The following TBC1D14 variants were observed in gnomAD, a reference collection of about 807,000 sequenced individuals.
TBC1D14 encodes TBC1 domain family member 14, also known as TBC1 domain family, member 14.
In TBC1D14, 26 loss-of-function variants were observed where a neutral mutation model predicts 79.0. The ratio of observed to expected loss-of-function variants is 0.33; its 90% CI spans 0.24 to 0.46. The LOEUF (loss-of-function observed/expected upper bound fraction) is 0.46. Among genes scored for constraint, TBC1D14 ranks in the 20% least tolerant of loss-of-function variants. The pLI, the probability that TBC1D14 is intolerant of heterozygous loss-of-function variation, is 1.00. For synonymous variants in TBC1D14, 394 were observed against 349.9 expected, an observed-to-expected ratio of 1.13 and a Z score of -1.40; for missense variants, 769 against 887.6, an observed-to-expected ratio of 0.87 and a Z score of 1.70.
At chr4:7,026,964 A>G (rs35435692) in intron 13 of TBC1D14, among the ~76,000 whole-genome samples, 9,842 of 152,108 alleles carry the variant, frequency 0.065, 339 homozygotes, top group African/African-American at 0.089. Context: ...TGTAATCTCA[A>G]CACTTTGAGA....
At chr4:6,920,178 T>A (rs1289568813) in intron 1 of TBC1D14, among the ~76,000 whole-genome samples, 2 of 152,150 alleles carry the variant, frequency 1.3e-5, no homozygotes, top group African/African-American at 4.8e-5. Flanking sequence ...CTGCATTTCA[T>A]TTAATTCCTT....
At chr4:6,929,059 G>A (rs1016566440) in intron 2 of TBC1D14, among the ~76,000 whole-genome samples, 1 of 152,192 alleles carries the variant, frequency 6.6e-6, no homozygotes, top group African/African-American at 2.4e-5. Flanking sequence ...TGGCATTATG[G>A]ATATACAGAT....
intron 6 of TBC1D14, among the ~76,000 whole-genome samples, chr4:7,000,731 T>G (rs1452566335): frequency 2.6e-5 from 4 of 152,174 alleles, no homozygotes; most frequent in African/African-American, 9.7e-5. Context: ...GGGGTCTGCT[T>G]CTGTCTCCAG....
chr4:6,957,467 C>T (rs530438801), intron 2 of TBC1D14, among the ~76,000 whole-genome samples: 25 of 152,340 alleles, frequency 1.6e-4, no homozygotes, highest in African/African-American at 6.0e-4. Context: ...TCTCCTTGCT[C>T]TGTAAAGGTG....
chr4:7,000,535 C>T (rs1719559102), intron 6 of TBC1D14, among the ~76,000 whole-genome samples: 1 of 152,248 alleles, frequency 6.6e-6, no homozygotes, highest in African/African-American at 2.4e-5. Flanking sequence ...TTCAGAGGCA[C>T]CACGGGGGCC....
chr4:6,987,119 G>C, intron 3 of TBC1D14: 2 of 838,380 alleles, frequency 2.4e-6, no homozygotes, highest in Non-Finnish European at 2.8e-6. Flanking sequence ...CATCAGCCCC[G>C]CCCCCTTGGG....
intron 2 of TBC1D14, among the ~76,000 whole-genome samples, chr4:6,936,951 CTT>C (rs1260829811): frequency 6.6e-6 from 1 of 151,794 alleles, no homozygotes; most frequent in African/African-American, 2.4e-5. Context: ...GAGTTTTGCT[CTT>C]GTTTCCCAGG....
intron 2 of TBC1D14, among the ~76,000 whole-genome samples, chr4:6,955,391 C>T (rs1226106230): frequency 2.6e-5 from 4 of 152,120 alleles, no homozygotes; most frequent in African/African-American, 7.2e-5. Flanking sequence ...CGTACGGTGG[C>T]GGCTGTAATA....
chr4:6,924,610 C>T (rs1031948216), intron 2 of TBC1D14, among the ~76,000 whole-genome samples: 1 of 151,234 alleles, frequency 6.6e-6, no homozygotes, highest in Non-Finnish European at 1.5e-5. Flanking sequence ...CCTGCCTCTG[C>T]TGTGGAGGTG....
Position 6,976,626 on chromosome 4 carries a change from A to G in TBC1D14, c.843+9202A>G, listed in dbSNP as rs757931904. ...TATTCTCAGGTGATGAAAAACGAAGAATTTGTTGCCAGCAGCAGACTTGCT... is the reference window on the plus strand; with the variant it reads ...TATTCTCAGGTGATGAAAAACGAAGGATTTGTTGCCAGCAGCAGACTTGCT... On this transcript the variant is annotated intron_variant, in intron 3 of 13. Coordinates refer to ENST00000409757, the MANE Select transcript of TBC1D14 (RefSeq NM_020773.3). 1.4e-3 allele frequency among the ~76,000 whole-genome samples: 209 copies of G among 152,324 alleles called. 1 individual carries two copies. The highest frequency in any genetic ancestry group is 6.2e-4 in the South Asian group (3 of 4,826).
intron 2 of TBC1D14, among the ~76,000 whole-genome samples, chr4:6,953,096 G>A (rs1360772237): frequency 2.1e-5 from 3 of 145,842 alleles, no homozygotes; most frequent in African/African-American, 7.6e-5. Flanking sequence ...TGCAATCTTG[G>A]CCCACTGCAC....
intron 2 of TBC1D14, among the ~76,000 whole-genome samples, chr4:6,925,248 C>T (rs1724198442): frequency 6.6e-6 from 1 of 152,180 alleles, no homozygotes; most frequent in Non-Finnish European, 1.5e-5. Context: ...GCCTGGGCGA[C>T]AGAATGAGAC....
intron 1 of TBC1D14, among the ~76,000 whole-genome samples, chr4:6,919,184 T>A (rs1180953820): frequency 6.6e-6 from 1 of 152,150 alleles, no homozygotes; most frequent in African/African-American, 2.4e-5. Flanking sequence ...TTTTCTCTTG[T>A]TGGGCAGGCT....
chr4:7,001,161 G>A lies in TBC1D14; in HGVS notation c.1180G>A (p.Val394Ile), dbSNP rs575344500. The A allele has an allele frequency of 1.2e-6, 2 of 1,614,120 alleles. No individual in the cohort carries two copies. The highest frequency in any genetic ancestry group is 1.7e-5 in the Admixed American group (1 of 60,030). ...NWETMWCSRK[V>I]RDLWWQGIPP... ...TTTGTCCAGGTGGTGCTCTAGAAAA[G>A]TTCGAGATTTATGGTGGCAGGGAAT... Residue 394 changes from valine (V) to isoleucine (I), a missense_variant, in exon 7 of 14, where the codon GTT becomes ATT. By Grantham distance (29) the Val-to-Ile change is conservative (BLOSUM62 3). Around this residue, in one of 2 missense-constraint regions of TBC1D14, gnomAD observed 367 missense variants for 494.4 expected, o/e 0.74. Transcript: ENST00000409757.
At chr4:6,980,739 G>A (rs1043445295) in intron 3 of TBC1D14, among the ~76,000 whole-genome samples, 4 of 150,090 alleles carry the variant, frequency 2.7e-5, no homozygotes, top group African/African-American at 7.4e-5. Flanking sequence ...TTTTTGATAC[G>A]GAGTCTCGCT....
intron 6 of TBC1D14, among the ~76,000 whole-genome samples, chr4:7,000,486 T>C (rs932674645): frequency 6.6e-6 from 1 of 152,260 alleles, no homozygotes; most frequent in Admixed American, 6.5e-5. Context: ...TGCAGCCTGC[T>C]TTCTGCAGCC....
intron 9 of TBC1D14, among the ~76,000 whole-genome samples, chr4:7,009,475 TAGTC>T (rs1271731162): frequency 6.6e-6 from 1 of 152,116 alleles, no homozygotes; most frequent in East Asian, 1.9e-4. Context: ...GCAGAAAGGA[TAGTC>T]AGGATGTGGG....
chr4:6,987,587 C>T lies in TBC1D14; in HGVS notation c.844-6597C>T, dbSNP rs534992541. Reference sequence around the variant, plus strand: ...CTGGTACTCTTTGTGTCTGTGTTTCCACGTATTTTCTTCTGGTTCACGTTT... The same window carrying T: ...CTGGTACTCTTTGTGTCTGTGTTTCTACGTATTTTCTTCTGGTTCACGTTT... On this transcript the variant is annotated intron_variant, in intron 3 of 13. Transcript: ENST00000409757. 139 of 400,720 alleles carry T rather than the reference C, an allele frequency of 3.5e-4. No homozygotes were observed. In the East Asian group the frequency reaches 4.9e-3, roughly 14 times the overall value. The allele number at this position is 400,720 out of a possible 1,614,324, so 24.8% of individuals were successfully genotyped here.
Position 6,935,809 on chromosome 4 carries a change from A to G in TBC1D14, c.722+11698A>G, listed in dbSNP as rs570690831. On this transcript the variant is annotated intron_variant, in intron 2 of 13. Transcript: ENST00000409757. ...CAGGCATGTGCCACCACACCCAGCT[A>G]ATTTTTGTATTTTTAGTAGAAATGG... Among the ~76,000 whole-genome samples, 5 of 151,678 alleles carry G rather than the reference A, an allele frequency of 3.3e-5. No individual in the cohort carries two copies. The South Asian group carries it at 1.0e-3, about 32-fold the overall frequency.
Sources: gnomAD v4.1 joint callset for allele counts (sites outside exome capture counted in the v4.1 genomes callset) on GRCh38, gnomAD v4.1.1 for gene constraint, gnomAD v4.1.1 regional missense constraint, MANE v1.5 for transcripts, NCBI Gene and HGNC (gene_info 2026-07-23, HGNC 2026-07-21) for gene names.